Variants in CRADD observed in about 807,000 individuals in gnomAD.
CRADD encodes CARD and death domain containing adaptor protein.
CRADD carries 9 observed loss-of-function variants against 15.5 expected under a neutral mutation model. The ratio of observed to expected loss-of-function variants is 0.58; its 90% CI spans 0.35 to 1.01. The LOEUF is 1.01. Among genes scored for constraint, CRADD ranks in the 50% least tolerant of loss-of-function variants. CRADD has a pLI of 0.02. For missense variants in CRADD, 227 were observed against 250.3 expected (o/e 0.91, Z 0.63); for synonymous variants, 118 against 107.6 (o/e 1.10, Z -0.60).
exon 3 of CRADD, chr12:93,894,174 C>A: frequency 1.4e-6 from 1 of 700,868 alleles, no homozygotes; most frequent in South Asian, 1.5e-5. Flanking sequence ...TCCTCTACAC[C>A]AGTGGTTCTC....
chr12:93,802,551 C>G (rs1015274789), intron 2 of CRADD, among the ~76,000 whole-genome samples: 1 of 152,174 alleles, frequency 6.6e-6, no homozygotes, highest in East Asian at 1.9e-4. Flanking sequence ...GTCATGGCTA[C>G]TTCCTTTTTC....
chr12:93,788,005 G>A (rs1347198716), intron 2 of CRADD, among the ~76,000 whole-genome samples: 3 of 152,196 alleles, frequency 2.0e-5, no homozygotes, highest in Non-Finnish European at 4.4e-5. Flanking sequence ...AGGTTGTGAA[G>A]TGGTAAGTCT....
chr12:93,856,083 G>A (rs778208576), intron 2 of CRADD, among the ~76,000 whole-genome samples: 1 of 152,234 alleles, frequency 6.6e-6, no homozygotes, highest in Non-Finnish European at 1.5e-5. Context: ...TGGGATTACA[G>A]GCGTGAGCCA....
intron 2 of CRADD, among the ~76,000 whole-genome samples, chr12:93,722,151 C>T (rs1956276953): frequency 6.6e-6 from 1 of 152,178 alleles, no homozygotes; most frequent in Non-Finnish European, 1.5e-5. Context: ...TTCCTCTCCA[C>T]ACTAAATAGT....
At chr12:93,823,762 T>C (rs1241410254) in intron 2 of CRADD, among the ~76,000 whole-genome samples, 2 of 152,148 alleles carry the variant, frequency 1.3e-5, no homozygotes, top group Non-Finnish European at 2.9e-5. Context: ...AGGGAGAGCC[T>C]GCAAGTAGGT....
rs1002503959 is a variant in CRADD, at chr12:93,747,714, C to A, written c.298+68642C>A. 5.9e-5 allele frequency among the ~76,000 whole-genome samples: 9 copies of A among 152,182 alleles called. No individual in the cohort carries two copies. The East Asian group carries it at 1.4e-3, about 23-fold the overall frequency. ...AACTCCTGACCTCGTGATCTGCCTG[C>A]CTTGGCCTTCCAAGGTGCTAGGATT... On this transcript the variant is annotated intron_variant, in intron 2 of 2. Transcript: ENST00000332896.
At chr12:93,839,635 A>G (rs1958024906) in intron 2 of CRADD, among the ~76,000 whole-genome samples, 1 of 152,190 alleles carries the variant, frequency 6.6e-6, no homozygotes, top group Non-Finnish European at 1.5e-5. Context: ...ATACATATAA[A>G]GTGCTTTATC....
chr12:93,695,921 G>A (rs1450759509), intron 2 of CRADD, among the ~76,000 whole-genome samples: 1 of 152,000 alleles, frequency 6.6e-6, no homozygotes, highest in African/African-American at 2.4e-5. Context: ...TAAATAAATG[G>A]GCAAAGGATG....
intron 2 of CRADD, among the ~76,000 whole-genome samples, chr12:93,863,596 TTGTGTGTGTGTGTGTGTGTGTG>T (rs1157061528): frequency 1.2e-4 from 15 of 124,848 alleles, no homozygotes; most frequent in Admixed American, 7.3e-4. Context: ...GTGGAGGCAT[TTGTGTGTGTGTGTGTGTGTGTG>T]TGTGTGTGTG....
At chr12:93,893,200 A>G (rs1958588851) in intron 2 of CRADD, among the ~76,000 whole-genome samples, 1 of 152,222 alleles carries the variant, frequency 6.6e-6, no homozygotes, top group Non-Finnish European at 1.5e-5. Context: ...GGGTGAAATC[A>G]GCCAGAGAAT....
intron 2 of CRADD, among the ~76,000 whole-genome samples, chr12:93,847,055 A>T (rs1284497315): frequency 1.3e-5 from 2 of 152,218 alleles, no homozygotes; most frequent in Non-Finnish European, 2.9e-5. Flanking sequence ...GTGAGCTGAG[A>T]TCACGCCACT....
intron 2 of CRADD, chr12:93,714,621 C>T (rs916321274): frequency 1.3e-5 from 2 of 152,184 alleles, no homozygotes; most frequent in Non-Finnish European, 1.5e-5. Flanking sequence ...TTCATTGGCT[C>T]AAAGGCATCA....
At chr12:93,848,408 T>A (rs752670110) in intron 2 of CRADD, among the ~76,000 whole-genome samples, 59 of 152,240 alleles carry the variant, frequency 3.9e-4, no homozygotes, top group Non-Finnish European at 1.5e-4. Flanking sequence ...CTTTGCCTTC[T>A]TATTGAATCA....
intron 2 of CRADD, chr12:93,893,951 T>C (rs904347762): frequency 5.8e-5 from 40 of 685,316 alleles, no homozygotes; most frequent in Non-Finnish European, 9.8e-5. Flanking sequence ...CTACGTTGTT[T>C]GACCTAGAGC....
chr12:93,891,822 A>C (rs1592643465), intron 2 of CRADD, among the ~76,000 whole-genome samples: 1 of 152,084 alleles, frequency 6.6e-6, no homozygotes, highest in Middle Eastern at 3.4e-3. Context: ...TTCTCACCAC[A>C]CTGCCTGTCC....
rs1593062853 is a variant in CRADD at position 93,888,063 on chromosome 12, G to A, written c.299-5987G>A. 3.9e-5 allele frequency among the ~76,000 whole-genome samples: 6 copies of A among 152,158 alleles called. No individual in the cohort carries two copies. In the East Asian group the frequency reaches 1.2e-3, roughly 29 times the overall value. ...AGTGGAAAGAGAAACATGCACAAAG[G>A]AATAGGGATGAGAGAATGGGGTGTG... On this transcript the variant is annotated intron_variant, in intron 2 of 2. Coordinates refer to the CRADD transcript ENST00000548483.
intron 2 of CRADD, among the ~76,000 whole-genome samples, chr12:93,702,769 A>G (rs553315788): frequency 2.0e-5 from 3 of 151,946 alleles, no homozygotes; most frequent in Admixed American, 6.6e-5. Context: ...CCAAAACACA[A>G]TTCTTTTCAG....
chr12:93,719,540 G>A (rs1188427276), intron 2 of CRADD, among the ~76,000 whole-genome samples: 1 of 152,056 alleles, frequency 6.6e-6, no homozygotes, highest in Non-Finnish European at 1.5e-5. Context: ...TTCCTTAAAT[G>A]TTTGATAGAA....
chr12:93,745,371 T>G (rs1056755529), intron 2 of CRADD, among the ~76,000 whole-genome samples: 1 of 152,208 alleles, frequency 6.6e-6, no homozygotes, highest in Admixed American at 6.5e-5. Flanking sequence ...CAGAAAATGT[T>G]TGGCTTTTAG....
Sources: allele counts gnomAD v4.1 joint callset (sites outside exome capture counted in the v4.1 genomes callset), GRCh38; gene constraint gnomAD v4.1.1; transcripts MANE v1.5; gene names NCBI Gene and HGNC (gene_info 2026-07-23, HGNC 2026-07-21).